Variants in ROBO2 observed in about 807,000 individuals in gnomAD.
ROBO2 encodes roundabout homolog 2.
ROBO2 carries 53 observed loss-of-function variants against 160.8 expected under a neutral mutation model. The ratio of observed to expected loss-of-function variants is 0.33; its 90% CI spans 0.26 to 0.41. The LOEUF (loss-of-function observed/expected upper bound fraction) is 0.41, where lower values mean the gene tolerates loss of function less well. Among genes scored for constraint, ROBO2 ranks in the 10% least tolerant of loss-of-function variants. ROBO2 has a pLI of 1.00. For synonymous variants in ROBO2, 664 were observed against 611.7 expected (o/e 1.09, Z -1.26); for missense variants, 1,577 against 1,722.4 (o/e 0.92, Z 1.49).
chr3:76,124,667 A>T (rs183305050), intron 2 of ROBO2, among the ~76,000 whole-genome samples: 7 of 152,290 alleles, frequency 4.6e-5, no homozygotes, highest in Non-Finnish European at 1.0e-4. Context: ...TTGTAATAAG[A>T]TAATTCATGG....
At chr3:76,797,245 A>T (rs533483503) in intron 2 of ROBO2, among the ~76,000 whole-genome samples, 13 of 152,258 alleles carry the variant, frequency 8.5e-5, no homozygotes, top group African/African-American at 3.1e-4. Flanking sequence ...TCATATCAAG[A>T]TTCTTCTCTG....
At chr3:77,174,682 T>G (rs2079964070) in intron 2 of ROBO2, among the ~76,000 whole-genome samples, 1 of 152,098 alleles carries the variant, frequency 6.6e-6, no homozygotes, top group Non-Finnish European at 1.5e-5. Flanking sequence ...CAAACCTATC[T>G]GCTTATGTTT....
At chr3:77,252,524 A>G (rs1167775731) in intron 2 of ROBO2, among the ~76,000 whole-genome samples, 1 of 151,952 alleles carries the variant, frequency 6.6e-6, no homozygotes, top group Non-Finnish European at 1.5e-5. Context: ...AATTAGAAAT[A>G]GAACCAGGCG....
At chr3:77,288,149 G>C (rs894630841) in intron 2 of ROBO2, among the ~76,000 whole-genome samples, 1 of 152,174 alleles carries the variant, frequency 6.6e-6, no homozygotes, top group Admixed American at 6.5e-5. Context: ...ATCAAATACA[G>C]ACTGCAAAAT....
At chr3:76,430,492 T>C (rs1393861381) in intron 2 of ROBO2, among the ~76,000 whole-genome samples, 1 of 152,134 alleles carries the variant, frequency 6.6e-6, no homozygotes, top group Non-Finnish European at 1.5e-5. Context: ...CTATTTTTAT[T>C]TTCTTCTATT....
At position 77,267,273 on chromosome 3, in the gene ROBO2, G is replaced by A. The variant is rs986921151; in HGVS notation, c.388+168933G>A. 4.6e-5 allele frequency among the ~76,000 whole-genome samples: 7 copies of A among 152,106 alleles called. No homozygotes were observed. The South Asian group carries it at 6.2e-4, about 14-fold the overall frequency. ...TCAAAAATATTAGTTGTTTTATTGC[G>A]GACAGCCTTAATTTATATAAATGGA... On this transcript the variant is annotated intron_variant, in intron 2 of 25. Transcript: ENST00000461745.
chr3:76,827,189 G>T (rs551862622), intron 2 of ROBO2, among the ~76,000 whole-genome samples: 2 of 152,228 alleles, frequency 1.3e-5, no homozygotes, highest in South Asian at 4.1e-4. Context: ...GGCATTTAGT[G>T]CAATTTTCAG....
chr3:76,528,999 T>A, intron 2 of ROBO2, among the ~76,000 whole-genome samples: 1 of 152,158 alleles, frequency 6.6e-6, no homozygotes, highest in East Asian at 1.9e-4. Context: ...TGAAGTTCAC[T>A]GGTGACCTTG....
At chr3:76,416,997 G>A (rs2075783655) in intron 2 of ROBO2, among the ~76,000 whole-genome samples, 1 of 152,156 alleles carries the variant, frequency 6.6e-6, no homozygotes, top group South Asian at 2.1e-4. Flanking sequence ...TTATTAAAAG[G>A]CTAGTTGTTA....
intron 2 of ROBO2, among the ~76,000 whole-genome samples, chr3:76,242,845 C>G (rs1419352073): frequency 6.6e-6 from 1 of 152,168 alleles, no homozygotes; most frequent in Non-Finnish European, 1.5e-5. Context: ...GATAGTGCCA[C>G]TGCACTCCAG....
chr3:76,518,029 A>T (rs761915054), intron 2 of ROBO2, among the ~76,000 whole-genome samples: 2 of 152,174 alleles, frequency 1.3e-5, no homozygotes, highest in Non-Finnish European at 2.9e-5. Context: ...TTTAGTTTCT[A>T]CACTCTGTAA....
chr3:77,297,580 T>G (rs2062261572), intron 2 of ROBO2, among the ~76,000 whole-genome samples: 1 of 152,142 alleles, frequency 6.6e-6, no homozygotes. Context: ...CTCTGGAAGC[T>G]TGCCATTGGC....
chr3:76,033,526 G>T (rs1413320197), intron 2 of ROBO2, among the ~76,000 whole-genome samples: 1 of 152,062 alleles, frequency 6.6e-6, no homozygotes, highest in African/African-American at 2.4e-5. Flanking sequence ...ATGGCATCAT[G>T]GTCTGCCACT....
chr3:77,393,769 C>A (rs868780401), intron 2 of ROBO2, among the ~76,000 whole-genome samples: 12 of 151,798 alleles, frequency 7.9e-5, no homozygotes, highest in Middle Eastern at 6.9e-3. Context: ...ATTTGCTATT[C>A]ATATACTAGC....
At chr3:76,129,206 G>C (rs1299757240) in intron 2 of ROBO2, among the ~76,000 whole-genome samples, 1 of 152,070 alleles carries the variant, frequency 6.6e-6, no homozygotes, top group Non-Finnish European at 1.5e-5. Flanking sequence ...CTCTGTTTGA[G>C]TGATGTGAAA....
chr3:76,248,248 C>A (rs1705747214), intron 2 of ROBO2, among the ~76,000 whole-genome samples: 1 of 151,928 alleles, frequency 6.6e-6, no homozygotes, highest in African/African-American at 2.4e-5. Context: ...ACCCAAATGT[C>A]CACCAATGAT....
chr3:76,831,050 C>A (rs1235965438), intron 2 of ROBO2, among the ~76,000 whole-genome samples: 5 of 152,034 alleles, frequency 3.3e-5, no homozygotes, highest in African/African-American at 1.2e-4. Flanking sequence ...ATTAGAATTG[C>A]TGCCATTATC....
intron 2 of ROBO2, among the ~76,000 whole-genome samples, chr3:76,222,315 A>C (rs949618621): frequency 6.6e-6 from 1 of 152,140 alleles, no homozygotes; most frequent in Non-Finnish European, 1.5e-5. Flanking sequence ...GCAGGAGTGA[A>C]TGTTTATTTA....
chr3:76,969,349 T>A (rs1310406479), intron 2 of ROBO2, among the ~76,000 whole-genome samples: 1 of 152,136 alleles, frequency 6.6e-6, no homozygotes, highest in African/African-American at 2.4e-5. Flanking sequence ...AAATCAGAAA[T>A]TGAACTGGAC....
Sources: gnomAD v4.1 joint callset for allele counts (sites outside exome capture counted in the v4.1 genomes callset) on GRCh38, gnomAD v4.1.1 for gene constraint, MANE v1.5 for transcripts, NCBI Gene and HGNC (gene_info 2026-07-23, HGNC 2026-07-21) for gene names.